ANKRD31: variants seen among roughly 807,000 people sequenced by gnomAD.
ANKRD31 encodes the protein ankyrin repeat domain 31.
In ANKRD31, 147 loss-of-function variants were observed where a neutral mutation model predicts 186.0. The ratio of observed to expected loss-of-function variants is 0.79; its 90% CI spans 0.69 to 0.91. The LOEUF (loss-of-function observed/expected upper bound fraction) is 0.91. Ranked by LOEUF, ANKRD31 falls within the 40% of genes least tolerant of loss-of-function variation. The pLI is 0.00. For missense variants in ANKRD31, 1,986 were observed against 2,148.8 expected (o/e 0.92, Z 1.50); for synonymous variants, 673 against 736.4 (o/e 0.91, Z 1.39).
rs1236036704 is a variant in ANKRD31 at position 75,068,607 on chromosome 5, A to G, written c.5705T>C (p.Leu1902Pro). ...GAGAAATTCTTGATCACTGATTAATAGTATTTCATTTATTTGTAGATAACG... is the reference window on the plus strand; with the variant it reads ...GAGAAATTCTTGATCACTGATTAATGGTATTTCATTTATTTGTAGATAACG... ...SPRYLQINEILLISDQEFLPC... is the reference protein window; with the variant it reads ...SPRYLQINEIPLISDQEFLPC... Residue 1902 changes from leucine to proline, a missense_variant, in exon 26 of 26, where the codon CTA becomes CCA. Physicochemically the swap from Leu to Pro is moderately conservative, Grantham distance 98 (BLOSUM62 -3). Transcript: ENST00000506364. The G allele has an allele frequency of 2.0e-6, 3 of 1,523,798 alleles. No homozygotes were observed. The highest frequency in any genetic ancestry group is 2.6e-6 in the Non-Finnish European group (3 of 1,141,354). 94.4% of individuals were successfully genotyped at this position (1,523,798 alleles called of 1,614,324 possible).
At chr5:75,105,452 T>C (rs1448876728) in intron 21 of ANKRD31, among the ~76,000 whole-genome samples, 4 of 151,232 alleles carry the variant, frequency 2.6e-5, no homozygotes, top group Non-Finnish European at 2.9e-5. Context: ...AAATGTGCCC[T>C]TTTTTTAAGG....
At chr5:75,163,209 G>A (rs1383076280) in intron 11 of ANKRD31, among the ~76,000 whole-genome samples, 1 of 152,234 alleles carries the variant, frequency 6.6e-6, no homozygotes, top group Non-Finnish European at 1.5e-5. Flanking sequence ...GGGACCAGCA[G>A]TATTTAGAAT....
At chr5:75,213,381 T>G (rs1015809250) in intron 3 of ANKRD31, among the ~76,000 whole-genome samples, 1 of 152,238 alleles carries the variant, frequency 6.6e-6, no homozygotes, top group Admixed American at 6.5e-5. Context: ...GCTCAAGCTA[T>G]CTGCCCATGT....
chr5:75,229,878 A>C (rs1199129434), intron 2 of ANKRD31, among the ~76,000 whole-genome samples: 4 of 92,076 alleles, frequency 4.3e-5, no homozygotes, highest in Non-Finnish European at 7.7e-5. Flanking sequence ...AAAAAAAAAA[A>C]AAAAAAAAAC....
At chr5:75,089,429 A>AT (rs1304780680) in intron 23 of ANKRD31, among the ~76,000 whole-genome samples, 2 of 152,092 alleles carry the variant, frequency 1.3e-5, no homozygotes, top group African/African-American at 2.4e-5. Flanking sequence ...CTGGTCCCAT[A>AT]CCACCCCCAC....
intron 17 of ANKRD31, among the ~76,000 whole-genome samples, chr5:75,125,828 C>T (rs1318492175): frequency 6.6e-6 from 1 of 152,132 alleles, no homozygotes; most frequent in African/African-American, 2.4e-5. Context: ...CTCTAGGTAA[C>T]ATGATGGAGT....
chr5:75,128,909 T>C (rs910603304), intron 17 of ANKRD31, among the ~76,000 whole-genome samples: 5 of 152,190 alleles, frequency 3.3e-5, no homozygotes, highest in Admixed American at 3.3e-4. Context: ...TTTGTGACCA[T>C]ATGATCTTGA....
chr5:75,134,751 C>T (rs1200311782), intron 17 of ANKRD31, among the ~76,000 whole-genome samples: 1 of 152,110 alleles, frequency 6.6e-6, no homozygotes, highest in Non-Finnish European at 1.5e-5. Flanking sequence ...CTGATGAACA[C>T]CAATGCAAAA....
intron 17 of ANKRD31, among the ~76,000 whole-genome samples, chr5:75,118,986 T>C (rs1748531869): frequency 6.7e-6 from 1 of 149,630 alleles, no homozygotes; most frequent in East Asian, 2.0e-4. Flanking sequence ...ATTTAGACAA[T>C]ATTTTATGTA....
At chr5:75,126,450 A>C (rs559835541) in intron 17 of ANKRD31, among the ~76,000 whole-genome samples, 1 of 152,272 alleles carries the variant, frequency 6.6e-6, no homozygotes, top group South Asian at 2.1e-4. Context: ...TCAAAAAAAA[A>C]GTTTGTTCCT....
chr5:75,159,239 G>C (rs1382055862), intron 11 of ANKRD31, among the ~76,000 whole-genome samples: 1 of 151,870 alleles, frequency 6.6e-6, no homozygotes, highest in East Asian at 1.9e-4. Context: ...GAGAAATATA[G>C]GGCACCATTA....
At position 75,146,353 on chromosome 5, in the gene ANKRD31, CAT is replaced by C; in HGVS notation, c.3056_3057del (p.His1019ArgfsTer7). ...SLACMRTLLT[H>X]EASKLTNHVE... Reference sequence around the variant, plus strand: ...ACATGATTAGTCAACTTTGAAGCCTCATGTGTCAAAAGTGTTCTCATACAAGC... The same window carrying C: ...ACATGATTAGTCAACTTTGAAGCCTCGTGTCAAAAGTGTTCTCATACAAGC... On this transcript the variant is annotated frameshift_variant, in exon 14 of 26. Coordinates refer to ENST00000506364, the MANE Select transcript of ANKRD31 (RefSeq NM_001372053.1). LOFTEE classifies it high-confidence loss of function. 1 of 1,536,554 alleles carries C rather than the reference CAT, an allele frequency of 6.5e-7. No homozygotes were observed. The highest frequency in any genetic ancestry group is 8.7e-7 in the Non-Finnish European group (1 of 1,146,502).
At chr5:75,169,154 A>T (rs778399930) in intron 10 of ANKRD31, 33 bp from the exon 11 acceptor site, 2 of 1,525,424 alleles carry the variant, frequency 1.3e-6, no homozygotes, top group African/African-American at 2.7e-5. Context: ...ATTTGTTTAC[A>T]TTTGGCATCT....
intron 2 of ANKRD31, among the ~76,000 whole-genome samples, chr5:75,223,520 C>T (rs1757429501): frequency 6.6e-6 from 1 of 151,994 alleles, no homozygotes; most frequent in Non-Finnish European, 1.5e-5. Flanking sequence ...ATTTTTTAAC[C>T]TTCCAAGTTC....
chr5:75,105,380 C>G (rs1007651666), intron 21 of ANKRD31, among the ~76,000 whole-genome samples, 162 bp from the exon 22 acceptor site: 1 of 151,904 alleles, frequency 6.6e-6, no homozygotes, highest in Non-Finnish European at 1.5e-5. Flanking sequence ...TTAATCTGAC[C>G]ACCTGCAGCC....
At chr5:75,087,477 G>A (rs376114631) in intron 23 of ANKRD31, among the ~76,000 whole-genome samples, 8 of 151,844 alleles carry the variant, frequency 5.3e-5, no homozygotes, top group Non-Finnish European at 1.0e-4. Context: ...ACTGCACTCC[G>A]GCCTGGGCAA....
intron 23 of ANKRD31, among the ~76,000 whole-genome samples, chr5:75,085,480 T>TCATGCCTCAGCCTCC (rs1385180606): frequency 6.6e-6 from 1 of 152,050 alleles, no homozygotes; most frequent in Non-Finnish European, 1.5e-5. Flanking sequence ...CAAGCAATTC[T>TCATGCCTCAGCCTCC]CATGCCTCAG....
intron 11 of ANKRD31, among the ~76,000 whole-genome samples, chr5:75,158,226 A>G (rs1752326591): frequency 6.6e-6 from 1 of 152,226 alleles, no homozygotes; most frequent in South Asian, 2.1e-4. Context: ...GTAAAATGTA[A>G]AAATCTTTCT....
chr5:75,126,451 G>T (rs1226478718), intron 17 of ANKRD31, among the ~76,000 whole-genome samples: 4 of 151,952 alleles, frequency 2.6e-5, no homozygotes, highest in African/African-American at 9.7e-5. Flanking sequence ...CAAAAAAAAA[G>T]TTTGTTCCTT....
Sources: gnomAD v4.1 joint callset for allele counts (sites outside exome capture counted in the v4.1 genomes callset) on GRCh38, gnomAD v4.1.1 for gene constraint, MANE v1.5 for transcripts, NCBI Gene and HGNC (gene_info 2026-07-23, HGNC 2026-07-21) for gene names.